Variants in PPP1R9B observed in about 807,000 individuals in gnomAD.
PPP1R9B encodes the protein protein phosphatase 1 regulatory subunit 9B, also known as neurabin-2.
In PPP1R9B, 17 loss-of-function variants were observed where a neutral mutation model predicts 75.8. The observed-to-expected ratio is 0.22, with a 90% CI of 0.15 to 0.34. The LOEUF is 0.34. PPP1R9B is among the 10% of genes least tolerant of loss of function. PPP1R9B has a pLI of 1.00. For missense variants in PPP1R9B, 875 were observed against 1,196.0 expected (o/e 0.73, Z 3.96); for synonymous variants, 509 against 535.4 (o/e 0.95, Z 0.68).
At chr17:50,140,390 G>T in intron 4 of PPP1R9B, 162 bp from the exon 5 acceptor site, 2 of 932,034 alleles carry the variant, frequency 2.1e-6, no homozygotes, top group Non-Finnish European at 1.6e-6. Context: ...GGGGGAATGA[G>T]GGCCCTTATC....
chr17:50,138,588 C>G (rs745898658), intron 7 of PPP1R9B, among the ~76,000 whole-genome samples: 4 of 152,138 alleles, frequency 2.6e-5, no homozygotes, highest in Non-Finnish European at 5.9e-5. Flanking sequence ...TAGAGCAGAA[C>G]TTAGCATGCT....
Position 50,149,846 on chromosome 17 carries a change from C to T in PPP1R9B, c.668G>A (p.Gly223Asp). 1 of 1,478,930 alleles carries T rather than the reference C, an allele frequency of 6.8e-7. No homozygotes were observed. Among genetic ancestry groups the T allele is most frequent in the East Asian group, 2.9e-5 (1 of 35,016 alleles). The allele number at this position is 1,478,930 out of a possible 1,614,324, so 91.6% of individuals were successfully genotyped here. A position where few individuals can be genotyped will look rare whatever the true frequency, so the allele number is the denominator to read the frequency against. The change falls in exon 1 of 10, where the codon GGC (glycine) becomes GAC (aspartate). Residue 223 changes from glycine to aspartate, a missense_variant. This residue lies in a region of PPP1R9B where 449 missense variants were observed against 475.0 expected (regional missense o/e 0.95). Coordinates refer to ENST00000612501, the MANE Select transcript of PPP1R9B (RefSeq NM_032595.5). The surrounding 1 kb of genome is among the most constrained non-coding windows in gnomAD (Gnocchi z 7.2). ...AVFEKADSRT[G>D]LHRGPGLPRA... ...GGGGAGCCCGGGCCCGCGGTGGAGG[C>T]CGGTCCTCGAGTCGGCCTTCTCGAA...
chr17:50,135,709 G>T, intron 8 of PPP1R9B, 60 bp from the exon 9 acceptor site: 1 of 1,429,442 alleles, frequency 7.0e-7, no homozygotes, highest in Non-Finnish European at 9.7e-7. Flanking sequence ...TTCATCCAGG[G>T]TGACCCAGGT....
At position 50,142,493 on chromosome 17, in the gene PPP1R9B, C is replaced by T. The variant is rs1467534240; in HGVS notation, c.1625+1105G>A. Among the ~76,000 whole-genome samples the T allele has an allele frequency of 1.3e-5, 2 of 152,148 alleles. No individual in the cohort carries two copies. The highest frequency in any genetic ancestry group is 2.9e-5 in the Non-Finnish European group (2 of 68,014). On this transcript the variant is annotated intron_variant, in intron 3 of 9. Transcript: ENST00000612501. This position sits in a 1 kb window ranked among gnomAD's most constrained non-coding sequence, Gnocchi z 4.1. The stretch of plus-strand genomic sequence containing the variant: ...TCCTGTTCCCGGCCCCTCTCCATGC[C>T]ACCTGGGCCACAACAGGTAGAAGCC...
chr17:50,150,293 G>A lies in PPP1R9B; in HGVS notation c.221C>T (p.Ala74Val), dbSNP rs1186577929. The change falls in exon 1 of 10, where the codon GCG (alanine) becomes GTG (valine). Residue 74 changes from alanine to valine, a missense_variant. Transcript: ENST00000612501. The surrounding 1 kb of genome is among the most constrained non-coding windows in gnomAD (Gnocchi z 8.7). Reference protein sequence around the residue: ...MGTTAGPSGEAGGGAGLAEAP... With the variant: ...MGTTAGPSGEVGGGAGLAEAP... The stretch of plus-strand genomic sequence containing the variant: ...CTCGGCCAGGCCCGCGCCGCCGCCC[G>A]CCTCGCCCGAGGGCCCCGCCGTCGT... 5 of 1,365,428 alleles carry A rather than the reference G, an allele frequency of 3.7e-6. No individual in the cohort carries two copies. The highest frequency in any genetic ancestry group is 7.2e-5 in the East Asian group (2 of 27,632). 84.6% of individuals were successfully genotyped at this position (1,365,428 alleles called of 1,614,324 possible).
chr17:50,139,940 C>T lies in PPP1R9B; in HGVS notation c.1866+153G>A, dbSNP rs762715512. On this transcript the variant is annotated intron_variant, in intron 5 of 9. Coordinates refer to ENST00000612501, the MANE Select transcript of PPP1R9B (RefSeq NM_032595.5). This position sits in a 1 kb window ranked among gnomAD's most constrained non-coding sequence, Gnocchi z 5.0. ...TTGAGAGGACTGTGTATTCCTTGTCCGGCCTCTGAAGACAAAGAGTGTGAC... is the reference window on the plus strand; with the variant it reads ...TTGAGAGGACTGTGTATTCCTTGTCTGGCCTCTGAAGACAAAGAGTGTGAC... Among the ~76,000 whole-genome samples the T allele has an allele frequency of 2.0e-5, 3 of 152,180 alleles. No homozygotes were observed. The highest frequency in any genetic ancestry group is 4.4e-5 in the Non-Finnish European group (3 of 68,032).
rs1226456561 is a variant in PPP1R9B at position 50,135,952 on chromosome 17, G to A, written c.2303+16C>T. 2 of 943,068 alleles carry A rather than the reference G, an allele frequency of 2.1e-6. No individual in the cohort carries two copies. The highest frequency in any genetic ancestry group is 1.4e-5 in the South Asian group (1 of 73,474). 58.4% of individuals were successfully genotyped at this position (943,068 alleles called of 1,614,324 possible). On this transcript the variant is annotated intron_variant, in intron 8 of 9. Coordinates refer to ENST00000612501, the MANE Select transcript of PPP1R9B (RefSeq NM_032595.5). ...ATGCTCCCTGGGCCCAGCCCGCCCA[G>A]CCCCCAGCCACGTACTTCTGCTGGT...
chr17:50,150,052 G>T lies in PPP1R9B; in HGVS notation c.462C>A (p.Ser154Arg), dbSNP rs367543202. ...TGTCGCCGCCTGCGGCCGCTGGGGC[G>T]CTCCGTTCGAACAGCTTCCGCGTCT... is the stretch of plus-strand genomic sequence containing the variant. ...LQETRKLFER[S>R]APAAAGGDKE... Residue 154 changes from serine (S) to arginine (R), a missense_variant, in exon 1 of 10, where the codon AGC (serine) becomes AGA (arginine). Ser to Arg is a moderately radical substitution (Grantham distance 110). Coordinates refer to ENST00000612501, the MANE Select transcript of PPP1R9B (RefSeq NM_032595.5). The surrounding 1 kb of genome is among the most constrained non-coding windows in gnomAD (Gnocchi z 8.7). 2 of 1,464,228 alleles carry T rather than the reference G, an allele frequency of 1.4e-6. No homozygotes were observed. Among genetic ancestry groups the T allele is most frequent in the Non-Finnish European group, 1.8e-6 (2 of 1,117,062 alleles). 90.7% of individuals were successfully genotyped at this position (1,464,228 alleles called of 1,614,324 possible).
Position 50,150,404 on chromosome 17 carries a change from C to T in PPP1R9B, c.110G>A (p.Gly37Glu). Residue 37 changes from glycine (G) to glutamate (E), a missense_variant, in exon 1 of 10, where the codon GGG (glycine) becomes GAG (glutamate). Around this residue, in one of 4 missense-constraint regions of PPP1R9B, gnomAD observed 145 missense variants for 226.1 expected, o/e 0.64. Coordinates refer to ENST00000612501, the MANE Select transcript of PPP1R9B (RefSeq NM_032595.5). This position sits in a 1 kb window ranked among gnomAD's most constrained non-coding sequence, Gnocchi z 8.7. Reference sequence around the variant, plus strand: ...GGCCCCCTTGGGTGCCTCGTCGGGCCCGGGCGCGTCGGGCGGCTTCAGCGC... The same window carrying T: ...GGCCCCCTTGGGTGCCTCGTCGGGCTCGGGCGCGTCGGGCGGCTTCAGCGC... ...IQALKPPDAPGPDEAPKGAHH... is the reference protein window; with the variant it reads ...IQALKPPDAPEPDEAPKGAHH... The T allele has an allele frequency of 7.1e-7, 1 of 1,402,174 alleles. No homozygotes were observed. The highest frequency in any genetic ancestry group is 9.3e-7 in the Non-Finnish European group (1 of 1,076,062). 86.9% of individuals were successfully genotyped at this position (1,402,174 alleles called of 1,614,324 possible).
At chr17:50,137,759 A>T (rs1455144097) in intron 7 of PPP1R9B, among the ~76,000 whole-genome samples, 1 of 152,198 alleles carries the variant, frequency 6.6e-6, no homozygotes, top group Non-Finnish European at 1.5e-5. Flanking sequence ...AGGATACTGC[A>T]AGCCAGAGCC....
chr17:50,149,260 C>T lies in PPP1R9B; in HGVS notation c.1254G>A (p.Glu418=). 1.2e-6 allele frequency: 2 copies of T among 1,613,008 alleles called. No individual in the cohort carries two copies. Among genetic ancestry groups the T allele is most frequent in the Non-Finnish European group, 1.7e-6 (2 of 1,179,664 alleles). The part of the protein sequence containing the change: ...SALEEDDEDD[E]EDGEPPYEPE... ...GCTCGTAGGGGGGCTCCCCATCCTC[C>T]TCGTCGTCTTCGTCGTCCTCCTCCA... Residue 418 remains glutamate, a synonymous_variant, in exon 1 of 10, where the codon GAG becomes GAA. Coordinates refer to ENST00000612501, the MANE Select transcript of PPP1R9B (RefSeq NM_032595.5). This position sits in a 1 kb window ranked among gnomAD's most constrained non-coding sequence, Gnocchi z 7.2.
chr17:50,145,459 G>A (rs746750808), intron 1 of PPP1R9B, among the ~76,000 whole-genome samples: 17 of 152,184 alleles, frequency 1.1e-4, no homozygotes, highest in Non-Finnish European at 2.2e-4. Context: ...AAGGGACCCA[G>A]CCTTGGCAGA....
Position 50,139,209 on chromosome 17 carries a change from GCTC to G in PPP1R9B, c.2073+51_2073+53del, listed in dbSNP as rs553479834. 2.1e-4 allele frequency: 334 copies of G among 1,596,110 alleles called. 1 individual carries two copies. The African/African-American group carries it at 2.8e-3, about 14-fold the overall frequency. On this transcript the variant is annotated intron_variant, in intron 7 of 9. Transcript: ENST00000612501. This position sits in a 1 kb window ranked among gnomAD's most constrained non-coding sequence, Gnocchi z 5.0. ...GCAGGTGTGAGGGTAGGGGGACCCTGCTCCTCAACACACACATGCACGCACGCA... is the reference window on the plus strand; with the variant it reads ...GCAGGTGTGAGGGTAGGGGGACCCTGCTCAACACACACATGCACGCACGCA...
Position 50,142,035 on chromosome 17 carries a change from T to C in PPP1R9B, c.1626-662A>G, listed in dbSNP as rs1336702369. 2.0e-5 allele frequency among the ~76,000 whole-genome samples: 3 copies of C among 152,186 alleles called. No individual in the cohort carries two copies. Among genetic ancestry groups the C allele is most frequent in the Non-Finnish European group, 4.4e-5 (3 of 68,032 alleles). ...TTACGTGTACATTTCTGCACAGAAC[T>C]GAGTGCACAGATGTCCTCCCAAGTC... On this transcript the variant is annotated intron_variant, in intron 3 of 9. Coordinates refer to ENST00000612501, the MANE Select transcript of PPP1R9B (RefSeq NM_032595.5). The surrounding 1 kb of genome is among the most constrained non-coding windows in gnomAD (Gnocchi z 4.1).
intron 7 of PPP1R9B, among the ~76,000 whole-genome samples, chr17:50,138,157 TGTGTGTGTGTGTGTGTG>T (rs1912277162): frequency 2.6e-5 from 1 of 38,482 alleles, no homozygotes; most frequent in Non-Finnish European, 4.9e-5. Context: ...ATACTACGTG[TGTGTGTGTGTGTGTGTG>T]TGTGTGTGTG....
chr17:50,138,945 A>G (rs939939753), intron 7 of PPP1R9B, among the ~76,000 whole-genome samples: 1 of 152,116 alleles, frequency 6.6e-6, no homozygotes, highest in Non-Finnish European at 1.5e-5. Context: ...TTGAGCTCCT[A>G]TTATGTCACA....
rs752770580 is a variant in PPP1R9B, at chr17:50,136,057, G to T, written c.2214C>A (p.Asp738Glu). ...GCGCCTGAGTCTCCCGCAGGTGCTC[G>T]TCCACAGCCTGGCACAGGCTCTGGG... ...GEAQSLCQAV[D>E]EHLRETQAQY... The change falls in exon 8 of 10, where the codon GAC becomes GAA. Residue 738 changes from aspartate to glutamate, a missense_variant. By Grantham distance (45) the Asp-to-Glu change is conservative (BLOSUM62 2). Transcript: ENST00000612501. 2 of 1,612,498 alleles carry T rather than the reference G, an allele frequency of 1.2e-6. No homozygotes were observed. Among genetic ancestry groups the T allele is most frequent in the South Asian group, 1.1e-5 (1 of 90,944 alleles).
intron 1 of PPP1R9B, chr17:50,145,949 G>A: frequency 6.5e-6 from 1 of 153,642 alleles, no homozygotes; most frequent in Admixed American, 6.4e-5. Flanking sequence ...GCTGGGCCTG[G>A]CCTTCCCTGC....
At position 50,149,991 on chromosome 17, in the gene PPP1R9B, G is replaced by C; in HGVS notation, c.523C>G (p.Arg175Gly). 1 of 1,499,538 alleles carries C rather than the reference G, an allele frequency of 6.7e-7. No individual in the cohort carries two copies. Among genetic ancestry groups the C allele is most frequent in the Non-Finnish European group, 8.8e-7 (1 of 1,133,878 alleles). 92.9% of individuals were successfully genotyped at this position (1,499,538 alleles called of 1,614,324 possible). The change falls in exon 1 of 10, where the codon CGC (arginine) becomes GGC (glycine). Residue 175 changes from arginine to glycine, a missense_variant. By Grantham distance (125) the Arg-to-Gly change is moderately radical (BLOSUM62 -2). Coordinates refer to ENST00000612501, the MANE Select transcript of PPP1R9B (RefSeq NM_032595.5). This position sits in a 1 kb window ranked among gnomAD's most constrained non-coding sequence, Gnocchi z 7.2. ...AGCTTCCGGTCCTGCAGGCCGGCGC[G>C]CTCCTGCCTCAGCAGCCGCCGCGCC... ...AAARRLLRQE[R>G]AGLQDRKLDV...
Sources: allele counts gnomAD v4.1 joint callset (sites outside exome capture counted in the v4.1 genomes callset), GRCh38; gene constraint gnomAD v4.1.1; regional missense constraint gnomAD v4.1.1; non-coding constraint Gnocchi (gnomAD v3.1); transcripts MANE v1.5; gene names NCBI Gene and HGNC (gene_info 2026-07-23, HGNC 2026-07-21).